Variants in DROSHA observed in about 807,000 individuals in gnomAD.
The protein encoded by DROSHA is drosha ribonuclease III, also known as ribonuclease 3.
A neutral mutation model predicts 181.9 loss-of-function variants in DROSHA; 56 were observed. The observed-to-expected ratio is 0.31, with a 90% CI of 0.25 to 0.38. The LOEUF (loss-of-function observed/expected upper bound fraction) is 0.38, where lower values mean the gene tolerates loss of function less well. Among genes scored for constraint, DROSHA ranks in the 10% least tolerant of loss-of-function variants. DROSHA has a pLI of 1.00. For synonymous variants in DROSHA, 524 were observed against 591.2 expected, an observed-to-expected ratio of 0.89 and a Z score of 1.65; for missense variants, 1,218 against 1,743.5, an observed-to-expected ratio of 0.70 and a Z score of 5.37.
chr5:31,423,990 C>T (rs1743122244), intron 28 of DROSHA, among the ~76,000 whole-genome samples: 1 of 152,126 alleles, frequency 6.6e-6, no homozygotes, highest in Non-Finnish European at 1.5e-5. Flanking sequence ...TTTCTAAGAT[C>T]CAGATTAGAT....
At chr5:31,504,685 C>T (rs985770569) in intron 10 of DROSHA, 50 bp from the exon 11 acceptor site, 1 of 1,598,252 alleles carries the variant, frequency 6.3e-7, no homozygotes, top group African/African-American at 1.3e-5. Context: ...AAAATCCACA[C>T]CATGCACGGT....
At chr5:31,434,852 A>T (rs1227742727) in intron 25 of DROSHA, among the ~76,000 whole-genome samples, 1 of 152,246 alleles carries the variant, frequency 6.6e-6, no homozygotes. Context: ...GTCTATAAAA[A>T]TGTAAGGATT....
At chr5:31,419,256 T>C (rs1742354534) in intron 30 of DROSHA, among the ~76,000 whole-genome samples, 1 of 152,206 alleles carries the variant, frequency 6.6e-6, no homozygotes, top group South Asian at 2.1e-4. Flanking sequence ...TCTTTGTCTT[T>C]GTCTTGCCCG....
intron 6 of DROSHA, among the ~76,000 whole-genome samples, chr5:31,518,866 T>A (rs1404978357): frequency 2.0e-5 from 3 of 152,224 alleles, no homozygotes; most frequent in African/African-American, 7.2e-5. Context: ...GCAAAAGACA[T>A]CCTCACCCAT....
chr5:31,465,459 A>G (rs1748894965), intron 19 of DROSHA, among the ~76,000 whole-genome samples: 1 of 152,240 alleles, frequency 6.6e-6, no homozygotes, highest in African/African-American at 2.4e-5. Context: ...AATGTTGTAT[A>G]ATGTGCAACC....
intron 6 of DROSHA, 98 bp downstream of exon 6, chr5:31,521,025 G>T: frequency 8.5e-7 from 1 of 1,172,102 alleles, no homozygotes. Context: ...CAGACTCTGA[G>T]GCCATTATGA....
At chr5:31,473,771 G>C (rs927633812) in intron 16 of DROSHA, among the ~76,000 whole-genome samples, 2 of 152,198 alleles carry the variant, frequency 1.3e-5, no homozygotes, top group Non-Finnish European at 2.9e-5. Context: ...GTCTGGAAGA[G>C]GAGAAGAAAG....
At chr5:31,518,270 T>C (rs966283627) in intron 6 of DROSHA, among the ~76,000 whole-genome samples, 1 of 152,218 alleles carries the variant, frequency 6.6e-6, no homozygotes, top group African/African-American at 2.4e-5. Context: ...GGGACCAACA[T>C]TGTATACAGT....
chr5:31,532,071 C>T lies in DROSHA; in HGVS notation c.-331G>A. On this transcript the variant is annotated 5_prime_UTR_variant, in exon 1 of 36. Transcript: ENST00000344624. ...GCAGGTACCAAGACAGTGGCACCGC[C>T]CGCGCCTCCGGAACAGGAAACCGAG... 2.5e-6 allele frequency: 1 copy of T among 394,412 alleles called. No homozygotes were observed. Among genetic ancestry groups the T allele is most frequent in the Non-Finnish European group, 4.6e-6 (1 of 216,122 alleles). The allele number at this position is 394,412 out of a possible 1,614,324, so 24.4% of individuals were successfully genotyped here.
intron 33 of DROSHA, among the ~76,000 whole-genome samples, chr5:31,407,779 T>C (rs924615530): frequency 3.3e-5 from 5 of 152,182 alleles, no homozygotes; most frequent in African/African-American, 1.2e-4. Context: ...TGTGCACGAG[T>C]GGCTTCTTGA....
intron 14 of DROSHA, among the ~76,000 whole-genome samples, chr5:31,485,803 A>G (rs1182363404): frequency 6.6e-6 from 1 of 152,136 alleles, no homozygotes; most frequent in Admixed American, 6.5e-5. Flanking sequence ...CTCCCTGCCC[A>G]TGACAGAGCT....
intron 18 of DROSHA, 107 bp downstream of exon 18, chr5:31,467,832 G>A: frequency 7.1e-7 from 1 of 1,406,104 alleles, no homozygotes; most frequent in Non-Finnish European, 9.6e-7. Flanking sequence ...GCTCATTTCA[G>A]GTCTTAATTT....
In DROSHA at chr5:31,504,607, C is replaced by T. The variant is rs1225717985; in HGVS notation, c.1616G>A (p.Ser539Asn). 1 of 1,613,998 alleles carries T rather than the reference C, an allele frequency of 6.2e-7. No individual in the cohort carries two copies. Among genetic ancestry groups the T allele is most frequent in the Non-Finnish European group, 8.5e-7 (1 of 1,179,894 alleles). Residue 539 changes from serine to asparagine, a missense_variant, in exon 11 of 36, where the codon AGC (serine) becomes AAC (asparagine). Around this residue, in one of 8 missense-constraint regions of DROSHA, gnomAD observed 460 missense variants for 774.2 expected, o/e 0.59. Coordinates refer to ENST00000344624, the MANE Select transcript of DROSHA (RefSeq NM_001382508.1). Reference protein sequence around the residue: ...QMNDGPLCKCSAKARRTGIRH... With the variant: ...QMNDGPLCKCNAKARRTGIRH... ...AATTCCTGTGCGTCTTGCCTTTGCG[C>T]TGCATTTGCAGAGTGGTCCATCATT...
At chr5:31,500,720 A>G (rs1447837136) in intron 11 of DROSHA, among the ~76,000 whole-genome samples, 1 of 152,220 alleles carries the variant, frequency 6.6e-6, no homozygotes, top group Non-Finnish European at 1.5e-5. Flanking sequence ...CAGAGAGCAG[A>G]GCTCACCAGC....
At chr5:31,483,683 C>T in intron 15 of DROSHA, 55 bp from the exon 16 acceptor site, 2 of 1,470,868 alleles carry the variant, frequency 1.4e-6, no homozygotes, top group Non-Finnish European at 1.8e-6. Context: ...TCTTAAAAAA[C>T]AAGCACTGCA....
rs1746688540 is a variant in DROSHA, at chr5:31,449,320, C to T, written c.2782G>A (p.Gly928Arg). Residue 928 changes from glycine (G) to arginine (R), a missense_variant, in exon 22 of 36, where the codon GGA becomes AGA. Gly to Arg is a moderately radical substitution (Grantham distance 125). This residue lies in a region of DROSHA where 460 missense variants were observed against 774.2 expected (regional missense o/e 0.59). Coordinates refer to ENST00000344624, the MANE Select transcript of DROSHA (RefSeq NM_001382508.1). ...SNCGIRQPKYGDRKVHHMHMR... is the reference protein window; with the variant it reads ...SNCGIRQPKYRDRKVHHMHMR... The stretch of plus-strand genomic sequence containing the variant: ...TGCATGTGATGAACTTTTCTGTCTC[C>T]GTATTTGGGCTGCCGAATTCCACAG... The T allele has an allele frequency of 1.9e-6, 3 of 1,613,670 alleles. No individual in the cohort carries two copies. The highest frequency in any genetic ancestry group is 2.2e-5 in the East Asian group (1 of 44,872).
At chr5:31,426,208 C>T (rs1743450946) in intron 27 of DROSHA, among the ~76,000 whole-genome samples, 1 of 152,100 alleles carries the variant, frequency 6.6e-6, no homozygotes, top group Middle Eastern at 3.4e-3. Flanking sequence ...CCATAGACAC[C>T]GAGATAGGGT....
chr5:31,475,131 A>G (rs1750218443), intron 16 of DROSHA, among the ~76,000 whole-genome samples: 6 of 152,118 alleles, frequency 3.9e-5, no homozygotes, highest in Admixed American at 3.9e-4. Context: ...TAGCCTGGGC[A>G]GCATGGCAAA....
At chr5:31,490,016 C>T (rs1392105053) in intron 13 of DROSHA, among the ~76,000 whole-genome samples, 2 of 152,094 alleles carry the variant, frequency 1.3e-5, no homozygotes, top group Admixed American at 1.3e-4. Flanking sequence ...GCTGGGATTA[C>T]AGGTGCCCGC....
Sources: gnomAD v4.1 joint callset for allele counts (sites outside exome capture counted in the v4.1 genomes callset) on GRCh38, gnomAD v4.1.1 for gene constraint, gnomAD v4.1.1 regional missense constraint, MANE v1.5 for transcripts, NCBI Gene and HGNC (gene_info 2026-07-23, HGNC 2026-07-21) for gene names.